LIPH: variants seen among roughly 807,000 people sequenced by gnomAD.
LIPH encodes lipase member H.
In LIPH, 32 loss-of-function variants were observed where a neutral mutation model predicts 47.6. The ratio of observed to expected loss-of-function variants is 0.67; its 90% CI spans 0.51 to 0.90. The LOEUF is 0.90. Among genes scored for constraint, LIPH ranks in the 40% least tolerant of loss-of-function variants. The pLI is 0.00. For synonymous variants in LIPH, 190 were observed against 195.6 expected (o/e 0.97, Z 0.24); for missense variants, 497 against 541.4 (o/e 0.92, Z 0.81).
Position 185,508,702 on chromosome 3 carries a change from G to A in LIPH, c.*88C>T. On this transcript the variant is annotated 3_prime_UTR_variant, in exon 10 of 10. Coordinates refer to ENST00000296252, the MANE Select transcript of LIPH (RefSeq NM_139248.3). ...CCTTGGTTTTTTTCATACTTTTTCT[G>A]CCTTGCAGAAAGGTGAGGTGAAGCT... The A allele has an allele frequency of 1.1e-6, 1 of 945,234 alleles. No individual in the cohort carries two copies. The highest frequency in any genetic ancestry group is 1.7e-6 in the Non-Finnish European group (1 of 575,162). The allele number at this position is 945,234 out of a possible 1,614,324, so 58.6% of individuals were successfully genotyped here.
intron 3 of LIPH, among the ~76,000 whole-genome samples, chr3:185,529,976 A>AGAG (rs1553823345): frequency 3.8e-5 from 4 of 104,882 alleles, no homozygotes; most frequent in Non-Finnish European, 8.5e-5. Flanking sequence ...GAAAGAAAGA[A>AGAG]AGAGAGAGAG....
chr3:185,524,372 A>G (rs972381249), intron 4 of LIPH, among the ~76,000 whole-genome samples: 3 of 152,102 alleles, frequency 2.0e-5, no homozygotes, highest in Admixed American at 6.6e-5. Context: ...TAAGGAATTT[A>G]CTTCCAATAT....
intron 6 of LIPH, among the ~76,000 whole-genome samples, chr3:185,518,342 C>CGGTCTCAGCTCACT (rs1425138643): frequency 1.3e-5 from 2 of 151,132 alleles, no homozygotes; most frequent in Non-Finnish European, 3.0e-5. Flanking sequence ...TGCAATGGCG[C>CGGTCTCAGCTCACT]GGTCTCAGCT....
chr3:185,533,209 G>A (rs1158938796), intron 3 of LIPH, among the ~76,000 whole-genome samples: 1 of 152,138 alleles, frequency 6.6e-6, no homozygotes, highest in African/African-American at 2.4e-5. Flanking sequence ...CCTGGGGACT[G>A]AAGCGTATTA....
chr3:185,541,184 T>G lies in LIPH; in HGVS notation c.50-6052A>C, dbSNP rs77278635. Among the ~76,000 whole-genome samples, 551 of 152,332 alleles carry G rather than the reference T, an allele frequency of 3.6e-3. 4 individuals are homozygous for G. Among genetic ancestry groups the G allele is most frequent in the African/African-American group, 0.012 (516 of 41,574 alleles). ...AAATGTTTAAGCCTCTGTGTATTGA[T>G]GTATCAGTCACAGAGTTTCTGTTCT... is the stretch of plus-strand genomic sequence containing the variant. On this transcript the variant is annotated intron_variant, in intron 1 of 9. Transcript: ENST00000296252.
chr3:185,514,208 G>T (rs1458500157), intron 8 of LIPH, among the ~76,000 whole-genome samples: 2 of 150,320 alleles, frequency 1.3e-5, no homozygotes, highest in African/African-American at 4.9e-5. Context: ...GGGAAGGAAA[G>T]AAAACCCTTG....
intron 1 of LIPH, chr3:185,546,830 A>G: frequency 5.1e-6 from 2 of 394,648 alleles, no homozygotes; most frequent in South Asian, 3.7e-5. Context: ...CAAAACAAAA[A>G]AAGCCTGTGC....
rs1429571807 is a variant in LIPH, at chr3:185,526,557, GATAAGATAAA to G, written c.628+917_628+926del. On this transcript the variant is annotated intron_variant, in intron 4 of 9. Transcript: ENST00000296252. ...AATAAAATAAAATAAAATAAGATAA[GATAAGATAAA>G]ATAAAATAAAAATAAGATAAAATAA... is the stretch of plus-strand genomic sequence containing the variant. Among the ~76,000 whole-genome samples the G allele has an allele frequency of 1.0e-4, 11 of 106,014 alleles. 1 individual carries two copies. The Middle Eastern group carries it at 0.019, about 184-fold the overall frequency. 69.5% of individuals were successfully genotyped at this position (106,014 alleles called of 152,430 possible).
chr3:185,543,846 CT>C (rs57080060), intron 1 of LIPH, among the ~76,000 whole-genome samples: 53,788 of 108,126 alleles, frequency 0.5, 10,984 homozygotes, highest in Admixed American at 0.58. Context: ...CTGGCTCTTG[CT>C]TTTTTTTTTT....
chr3:185,534,217 A>G (rs1720429812), intron 2 of LIPH, among the ~76,000 whole-genome samples: 1 of 152,086 alleles, frequency 6.6e-6, no homozygotes, highest in Non-Finnish European at 1.5e-5. Context: ...TTAGCTGGGC[A>G]TGGTGGCGTG....
At position 185,516,945 on chromosome 3, in the gene LIPH, C is replaced by T. The variant is rs867290920; in HGVS notation, c.982+122G>A. ...GACTCAGGAGTCAACCGAGGCCCTTCCAGCTCCAAAGTTGATGCTTCATCA... is the reference window on the plus strand; with the variant it reads ...GACTCAGGAGTCAACCGAGGCCCTTTCAGCTCCAAAGTTGATGCTTCATCA... On this transcript the variant is annotated intron_variant, in intron 7 of 9. Transcript: ENST00000296252. 6.0e-5 allele frequency: 46 copies of T among 772,048 alleles called. No individual in the cohort carries two copies. The Middle Eastern group carries it at 3.2e-3, about 54-fold the overall frequency. 47.8% of individuals were successfully genotyped at this position (772,048 alleles called of 1,614,324 possible). A position where few individuals can be genotyped will look rare whatever the true frequency, so the allele number is the denominator to read the frequency against.
intron 3 of LIPH, among the ~76,000 whole-genome samples, chr3:185,530,733 T>C (rs1720307368): frequency 6.6e-6 from 1 of 152,036 alleles, no homozygotes; most frequent in South Asian, 2.1e-4. Context: ...AGATTCATGA[T>C]GAATAAAACA....
chr3:185,511,380 T>C, intron 9 of LIPH, 144 bp downstream of exon 9: 1 of 804,776 alleles, frequency 1.2e-6, no homozygotes, highest in Non-Finnish European at 2.1e-6. Flanking sequence ...TACTTGTTTA[T>C]AATAAAAACT....
At chr3:185,509,440 C>T (rs1719486185) in intron 9 of LIPH, among the ~76,000 whole-genome samples, 1 of 152,088 alleles carries the variant, frequency 6.6e-6, no homozygotes, top group South Asian at 2.1e-4. Flanking sequence ...ACCAGCCTGA[C>T]CAACATGGTG....
intron 1 of LIPH, among the ~76,000 whole-genome samples, chr3:185,539,864 G>A (rs1008272011): frequency 5.3e-5 from 8 of 152,202 alleles, no homozygotes; most frequent in Non-Finnish European, 8.8e-5. Flanking sequence ...TGAGTTGGCC[G>A]ATAGCCTCCA....
intron 4 of LIPH, among the ~76,000 whole-genome samples, chr3:185,526,840 G>A (rs2148954447): frequency 6.6e-6 from 1 of 151,966 alleles, no homozygotes; most frequent in Middle Eastern, 3.4e-3. Flanking sequence ...AAAATAAAAA[G>A]AACCAACAAC....
rs867415215 is a variant in LIPH at position 185,529,956 on chromosome 3, A to G, written c.527-2371T>C. ...AAAGAAAGAAAGAAAGAAAGAAAGA[A>G]AGAAAGAAGGAAAGAAAGAAAGAGA... On this transcript the variant is annotated intron_variant, in intron 3 of 9. Coordinates refer to ENST00000296252, the MANE Select transcript of LIPH (RefSeq NM_139248.3). Among the ~76,000 whole-genome samples, 18 of 58,844 alleles carry G rather than the reference A, an allele frequency of 3.1e-4. 1 individual carries two copies. The highest frequency in any genetic ancestry group is 1.5e-3 in the South Asian group (2 of 1,360). 38.6% of individuals were successfully genotyped at this position (58,844 alleles called of 152,430 possible).
intron 6 of LIPH, among the ~76,000 whole-genome samples, 159 bp downstream of exon 6, chr3:185,518,983 C>G (rs191696612): frequency 6.6e-6 from 1 of 152,236 alleles, no homozygotes; most frequent in African/African-American, 2.4e-5. Flanking sequence ...TTCAACCTCC[C>G]AAAGTGCTGG....
At chr3:185,511,795 C>A in intron 8 of LIPH, 98 bp from the exon 9 acceptor site, 15 of 798,850 alleles carry the variant, frequency 1.9e-5, no homozygotes, top group Non-Finnish European at 3.1e-5. Flanking sequence ...GTAACTATTT[C>A]ACCCCATAGC....
Sources: gnomAD v4.1 joint callset for allele counts (sites outside exome capture counted in the v4.1 genomes callset) on GRCh38, gnomAD v4.1.1 for gene constraint, MANE v1.5 for transcripts, NCBI Gene and HGNC (gene_info 2026-07-23, HGNC 2026-07-21) for gene names.